PHC3: variants seen among roughly 807,000 people sequenced by gnomAD.
PHC3 encodes the protein polyhomeotic-like protein 3.
A neutral mutation model predicts 107.4 loss-of-function variants in PHC3; 13 were observed. The ratio of observed to expected loss-of-function variants is 0.12; its 90% confidence interval spans 0.08 to 0.19. The LOEUF is 0.19. Ranked by LOEUF, PHC3 falls within the 10% of genes least tolerant of loss-of-function variation. The probability of loss-of-function intolerance (pLI) is 1.00; values close to 1 mark genes in which losing one functional copy is unlikely to be tolerated. For synonymous variants in PHC3, 456 were observed against 427.4 expected (o/e 1.07, Z -0.83); for missense variants, 992 against 1,210.9 (o/e 0.82, Z 2.68).
intron 11 of PHC3, among the ~76,000 whole-genome samples, chr3:170,107,503 G>A (rs1716780724): frequency 1.3e-5 from 2 of 152,156 alleles, no homozygotes; most frequent in Admixed American, 1.3e-4. Flanking sequence ...GCATATATCA[G>A]GAGGCTGAGG....
Position 170,136,802 on chromosome 3 carries a change from C to T in PHC3, c.673-137G>A. On this transcript the variant is annotated intron_variant, in intron 6 of 14. Coordinates refer to ENST00000495893, the MANE Select transcript of PHC3 (RefSeq NM_024947.4). ...GTAAAGCTCCAAGCACTTGAAAGAA[C>T]TGATTAATCCTTAAGGAAAGGAGAG... The T allele has an allele frequency of 7.0e-6, 6 of 859,738 alleles. No individual in the cohort carries two copies. In the South Asian group the frequency reaches 1.0e-4, roughly 14 times the overall value. The allele number at this position is 859,738 out of a possible 1,614,324, so 53.3% of individuals were successfully genotyped here.
chr3:170,144,488 G>A (rs371891205), intron 6 of PHC3, among the ~76,000 whole-genome samples: 1 of 152,068 alleles, frequency 6.6e-6, no homozygotes, highest in East Asian at 1.9e-4. Context: ...GTCTCTCAGG[G>A]TAAACATAAG....
rs561866908 is a variant in PHC3 at position 170,122,826 on chromosome 3, C to A, written c.1789-82G>T. 163 of 1,477,540 alleles carry A rather than the reference C, an allele frequency of 1.1e-4. 3 individuals carry two copies. The Admixed American group carries it at 3.4e-3, about 30-fold the overall frequency. 91.5% of individuals were successfully genotyped at this position (1,477,540 alleles called of 1,614,324 possible). ...GTTCTTAATTTCAGAAAATTAAATTCTATGTGTATTAAATTTAAAAACAAG... is the reference window on the plus strand; with the variant it reads ...GTTCTTAATTTCAGAAAATTAAATTATATGTGTATTAAATTTAAAAACAAG... On this transcript the variant is annotated intron_variant, in intron 8 of 14. Coordinates refer to ENST00000495893, the MANE Select transcript of PHC3 (RefSeq NM_024947.4).
At chr3:170,150,708 A>T (rs1725804663) in intron 4 of PHC3, 2 of 425,794 alleles carry the variant, frequency 4.7e-6, no homozygotes, top group Non-Finnish European at 9.4e-6. Context: ...GCGACACTCC[A>T]TCTAAAAAGA....
intron 7 of PHC3, 54 bp from the exon 8 acceptor site, chr3:170,129,606 T>C (rs1721918936): frequency 3.4e-6 from 5 of 1,465,402 alleles, no homozygotes; most frequent in Admixed American, 2.0e-5. Flanking sequence ...CAGAAATTTT[T>C]AAATCACTCT....
chr3:170,121,276 C>T (rs918422396), intron 9 of PHC3, among the ~76,000 whole-genome samples: 15 of 151,818 alleles, frequency 9.9e-5, no homozygotes, highest in African/African-American at 3.4e-4. Context: ...GAGTTAGAGG[C>T]CAGCCTGGGC....
chr3:170,109,587 C>A (rs899345830), intron 11 of PHC3, among the ~76,000 whole-genome samples: 3 of 152,146 alleles, frequency 2.0e-5, no homozygotes, highest in Non-Finnish European at 4.4e-5. Flanking sequence ...GCTTCCTAAT[C>A]TAGATCCCCC....
At chr3:170,138,938 G>A (rs1189184353) in intron 6 of PHC3, among the ~76,000 whole-genome samples, 1 of 151,318 alleles carries the variant, frequency 6.6e-6, no homozygotes, top group African/African-American at 2.4e-5. Flanking sequence ...TTTTCTCAAA[G>A]CTGTCTTTTG....
At chr3:170,112,505 A>G (rs149826194) in intron 11 of PHC3, among the ~76,000 whole-genome samples, 1,761 of 149,010 alleles carry the variant, frequency 0.012, 39 homozygotes, top group African/African-American at 0.041. Context: ...TTACAGACAT[A>G]AGCCACCGCG....
intron 11 of PHC3, among the ~76,000 whole-genome samples, chr3:170,110,704 AAAT>A (rs1436587803): frequency 1.3e-5 from 2 of 152,210 alleles, no homozygotes; most frequent in Admixed American, 1.3e-4. Context: ...TTATGTATGT[AAAT>A]AATATATACA....
At chr3:170,153,058 T>G (rs1212534481) in intron 4 of PHC3, among the ~76,000 whole-genome samples, 1 of 152,196 alleles carries the variant, frequency 6.6e-6, no homozygotes, top group East Asian at 1.9e-4. Flanking sequence ...ATAAACCCTT[T>G]TTTGAAGTTC....
At chr3:170,162,051 A>G (rs1368169717) in intron 4 of PHC3, among the ~76,000 whole-genome samples, 1 of 152,230 alleles carries the variant, frequency 6.6e-6, no homozygotes, top group African/African-American at 2.4e-5. Flanking sequence ...ATTTAATTAG[A>G]TAATTTAATT....
intron 4 of PHC3, chr3:170,150,029 T>A (rs1011940957): frequency 6.6e-6 from 1 of 152,216 alleles, no homozygotes; most frequent in Non-Finnish European, 1.5e-5. Context: ...GTTACTCTGA[T>A]TTGATCACTA....
At chr3:170,135,190 G>A (rs1378148915) in intron 7 of PHC3, among the ~76,000 whole-genome samples, 1 of 151,912 alleles carries the variant, frequency 6.6e-6, no homozygotes, top group East Asian at 1.9e-4. Context: ...TTGCTCTGTC[G>A]CCCAGGCTGG....
In PHC3 at chr3:170,178,855, G is replaced by A. The variant is rs1730947571; in HGVS notation, c.98C>T (p.Thr33Ile). ...SVSTTTSSTT[T>I]TTITTSSSRM... The stretch of plus-strand genomic sequence containing the variant: ...AGAGGAGGAAGTGGTGATGGTGGTG[G>A]TGGTGGTACTGCTGGTTGTTGTTGA... The change falls in exon 2 of 15, where the codon ACC becomes ATC. Residue 33 changes from threonine to isoleucine, a missense_variant. Thr to Ile is a moderately conservative substitution (Grantham distance 89, BLOSUM62 -1). Around this residue, in one of 6 missense-constraint regions of PHC3, gnomAD observed 161 missense variants for 183.7 expected, o/e 0.88. Transcript: ENST00000495893. The A allele has an allele frequency of 6.2e-7, 1 of 1,613,994 alleles. No homozygotes were observed. The highest frequency in any genetic ancestry group is 1.7e-5 in the Admixed American group (1 of 60,020).
At chr3:170,153,704 AG>A (rs1453832136) in intron 4 of PHC3, among the ~76,000 whole-genome samples, 1 of 150,956 alleles carries the variant, frequency 6.6e-6, no homozygotes, top group Non-Finnish European at 1.5e-5. Context: ...CGGAGTTTGC[AG>A]TGAGCCAAGA....
At position 170,168,694 on chromosome 3, in the gene PHC3, C is replaced by T. The variant is rs889544477; in HGVS notation, c.414+2679G>A. ...GCGTGAACTCGGGAGGCGGAGCTTGCGGTGAGCCGAGATCACGCCACTGCA... is the reference window on the plus strand; with the variant it reads ...GCGTGAACTCGGGAGGCGGAGCTTGTGGTGAGCCGAGATCACGCCACTGCA... On this transcript the variant is annotated intron_variant, in intron 4 of 14. Transcript: ENST00000495893. 1.1e-4 allele frequency among the ~76,000 whole-genome samples: 14 copies of T among 130,978 alleles called. No individual in the cohort carries two copies. In the East Asian group the frequency reaches 2.7e-3, roughly 26 times the overall value. The allele number at this position is 130,978 out of a possible 152,430, so 85.9% of individuals were successfully genotyped here. A position where few individuals can be genotyped will look rare whatever the true frequency, so the allele number is the denominator to read the frequency against.
chr3:170,101,618 G>T (rs1049799624), intron 14 of PHC3, among the ~76,000 whole-genome samples: 1 of 152,044 alleles, frequency 6.6e-6, no homozygotes, highest in Non-Finnish European at 1.5e-5. Flanking sequence ...ATATGCGTAA[G>T]GTCAAAGTGA....
chr3:170,095,242 T>A lies in PHC3; in HGVS notation c.*1988A>T, dbSNP rs1055386673. 5.9e-5 allele frequency: 9 copies of A among 152,122 alleles called. No homozygotes were observed. The highest frequency in any genetic ancestry group is 2.1e-4 in the South Asian group (1 of 4,834). 9.4% of individuals were successfully genotyped at this position (152,122 alleles called of 1,614,324 possible). A position where few individuals can be genotyped will look rare whatever the true frequency, so the allele number is the denominator to read the frequency against. On this transcript the variant is annotated 3_prime_UTR_variant, in exon 15 of 15. Coordinates refer to ENST00000495893, the MANE Select transcript of PHC3 (RefSeq NM_024947.4). ...TACCTAGCTTTCCTTGATACTTTAA[T>A]CCAATGATTAAAAATGTGATATAAA...
Sources: gnomAD v4.1 joint callset for allele counts (sites outside exome capture counted in the v4.1 genomes callset) on GRCh38, gnomAD v4.1.1 for gene constraint, gnomAD v4.1.1 regional missense constraint, MANE v1.5 for transcripts, NCBI Gene and HGNC (gene_info 2026-07-23, HGNC 2026-07-21) for gene names.